Variants in KCNAB1 observed in about 807,000 individuals in gnomAD.
KCNAB1 encodes voltage-gated potassium channel subunit beta-1.
KCNAB1 carries 35 observed loss-of-function variants against 64.6 expected under a neutral mutation model. The ratio of observed to expected loss-of-function variants is 0.54; its 90% CI spans 0.41 to 0.72. KCNAB1 has a LOEUF of 0.72. Among genes scored for constraint, KCNAB1 ranks in the 30% least tolerant of loss-of-function variants. The pLI is 0.00. For missense variants in KCNAB1, 401 were observed against 512.9 expected, an observed-to-expected ratio of 0.78 and a Z score of 2.11; for synonymous variants, 177 against 183.8, an observed-to-expected ratio of 0.96 and a Z score of 0.30.
At chr3:156,248,469 ATT>A (rs33915450) in intron 1 of KCNAB1, among the ~76,000 whole-genome samples, 67,974 of 100,620 alleles carry the variant, frequency 0.68, 21,798 homozygotes, top group East Asian at 0.89. Context: ...CTGTAATGAG[ATT>A]TTTTTTTTTT....
At chr3:156,294,258 T>A (rs1433180298) in intron 1 of KCNAB1, among the ~76,000 whole-genome samples, 1 of 152,188 alleles carries the variant, frequency 6.6e-6, no homozygotes. Context: ...AACAAAAAGT[T>A]AGCCACTGGG....
At chr3:156,428,708 C>G (rs1255860366) in intron 2 of KCNAB1, among the ~76,000 whole-genome samples, 1 of 152,106 alleles carries the variant, frequency 6.6e-6, no homozygotes, top group African/African-American at 2.4e-5. Flanking sequence ...CATTTTTCAG[C>G]TGAGCACATA....
At chr3:156,196,331 T>C (rs1347750041) in intron 1 of KCNAB1, among the ~76,000 whole-genome samples, 1 of 152,234 alleles carries the variant, frequency 6.6e-6, no homozygotes, top group African/African-American at 2.4e-5. Flanking sequence ...AGTAGTTTTT[T>C]CAAGTTTTGT....
At chr3:156,354,320 G>C (rs1479583758) in intron 1 of KCNAB1, among the ~76,000 whole-genome samples, 1 of 151,094 alleles carries the variant, frequency 6.6e-6, no homozygotes, top group African/African-American at 2.4e-5. Flanking sequence ...GCACCACCAT[G>C]CCCAGCTAAT....
At chr3:156,147,989 C>T (rs577663739) in intron 1 of KCNAB1, among the ~76,000 whole-genome samples, 10 of 136,188 alleles carry the variant, frequency 7.3e-5, no homozygotes, top group East Asian at 5.9e-4. Context: ...AAACACACAC[C>T]GCACCCTGGA....
chr3:156,219,648 A>G (rs952409749), intron 1 of KCNAB1, among the ~76,000 whole-genome samples: 1 of 151,942 alleles, frequency 6.6e-6, no homozygotes, highest in Non-Finnish European at 1.5e-5. Flanking sequence ...TCACCTGGGC[A>G]CATAGTCCTC....
intron 1 of KCNAB1, among the ~76,000 whole-genome samples, chr3:156,269,804 T>C (rs1385765999): frequency 6.6e-6 from 1 of 152,212 alleles, no homozygotes; most frequent in Non-Finnish European, 1.5e-5. Flanking sequence ...TGCTCTTTTT[T>C]GGTTTCCATT....
At chr3:156,266,405 C>T (rs1322455017) in intron 1 of KCNAB1, among the ~76,000 whole-genome samples, 1 of 152,192 alleles carries the variant, frequency 6.6e-6, no homozygotes, top group African/African-American at 2.4e-5. Context: ...CCAGTTATGT[C>T]ACTATCCCAG....
intron 1 of KCNAB1, among the ~76,000 whole-genome samples, chr3:156,231,640 C>G (rs904755755): frequency 2.6e-5 from 4 of 151,728 alleles, no homozygotes; most frequent in Admixed American, 6.6e-5. Flanking sequence ...ACAACCCGCT[C>G]TCTCTCTGAA....
chr3:156,124,391 AT>A (rs1474418974), intron 1 of KCNAB1, among the ~76,000 whole-genome samples: 2 of 151,434 alleles, frequency 1.3e-5, no homozygotes, highest in Non-Finnish European at 2.9e-5. Context: ...TAATTTTTGT[AT>A]TTTTAGTAGA....
At chr3:156,309,081 A>T (rs191000812) in intron 1 of KCNAB1, among the ~76,000 whole-genome samples, 119 of 152,316 alleles carry the variant, frequency 7.8e-4, no homozygotes, top group African/African-American at 2.6e-3. Flanking sequence ...AAAACTGGAA[A>T]TCAAACATTT....
At chr3:156,361,092 C>G (rs1362465906) in intron 1 of KCNAB1, among the ~76,000 whole-genome samples, 1 of 152,208 alleles carries the variant, frequency 6.6e-6, no homozygotes, top group South Asian at 2.1e-4. Context: ...TCACAATGGC[C>G]TAACATAGCC....
chr3:156,510,641 A>G (rs1717145204), intron 8 of KCNAB1, among the ~76,000 whole-genome samples: 1 of 152,136 alleles, frequency 6.6e-6, no homozygotes. Flanking sequence ...AGTGGCTTCC[A>G]ATGGCTCCAA....
At chr3:156,293,508 T>A (rs1204626311) in intron 1 of KCNAB1, among the ~76,000 whole-genome samples, 1 of 152,232 alleles carries the variant, frequency 6.6e-6, no homozygotes, top group Non-Finnish European at 1.5e-5. Flanking sequence ...CTTTGCAGAG[T>A]TACAGGAAAG....
Position 156,290,882 on chromosome 3 carries a change from T to C in KCNAB1, c.276-130734T>C, listed in dbSNP as rs961881055. ...GTGGCATCTCAGGAAACCAAACTTA[T>C]CTGCTTAAGAAATAACTTGCAGAGA... On this transcript the variant is annotated intron_variant, in intron 1 of 13. Coordinates refer to ENST00000490337, the MANE Select transcript of KCNAB1 (RefSeq NM_172160.3). 19 of 862,084 alleles carry C rather than the reference T, an allele frequency of 2.2e-5. No individual in the cohort carries two copies. The South Asian group carries it at 8.0e-4, about 36-fold the overall frequency. The allele number at this position is 862,084 out of a possible 1,614,324, so 53.4% of individuals were successfully genotyped here.
chr3:156,448,265 T>C (rs1343974669), intron 2 of KCNAB1, among the ~76,000 whole-genome samples: 2 of 152,232 alleles, frequency 1.3e-5, no homozygotes, highest in Admixed American at 6.5e-5. Context: ...AATTTGAGAT[T>C]ACACAGTGAA....
intron 2 of KCNAB1, among the ~76,000 whole-genome samples, chr3:156,451,671 A>T (rs1712014670): frequency 6.6e-6 from 1 of 151,872 alleles, no homozygotes; most frequent in Non-Finnish European, 1.5e-5. Flanking sequence ...CCCAAATATC[A>T]CTTGTGCCCA....
chr3:156,442,727 C>T (rs1717091702), intron 2 of KCNAB1, among the ~76,000 whole-genome samples: 1 of 152,192 alleles, frequency 6.6e-6, no homozygotes, highest in Non-Finnish European at 1.5e-5. Context: ...GGGCTACCCT[C>T]TGCCTCTGCC....
chr3:156,413,875 A>T (rs1381598432), intron 1 of KCNAB1, among the ~76,000 whole-genome samples: 1 of 152,226 alleles, frequency 6.6e-6, no homozygotes, highest in Non-Finnish European at 1.5e-5. Flanking sequence ...ATAATCTCGT[A>T]CACAATAACC....
Sources: allele counts gnomAD v4.1 joint callset (sites outside exome capture counted in the v4.1 genomes callset), GRCh38; gene constraint gnomAD v4.1.1; transcripts MANE v1.5; gene names NCBI Gene and HGNC (gene_info 2026-07-23, HGNC 2026-07-21).